METTL9: variants seen among roughly 807,000 people sequenced by gnomAD.
The protein encoded by METTL9 is methyltransferase 9, His-X-His N1(pi)-histidine.
Under a neutral mutation model 36.0 loss-of-function variants are expected in METTL9, and 10 were observed. The ratio of observed to expected loss-of-function variants is 0.28; its 90% CI spans 0.17 to 0.47. The LOEUF (loss-of-function observed/expected upper bound fraction) is 0.47, where lower values mean the gene tolerates loss of function less well. Among genes scored for constraint, METTL9 ranks in the 20% least tolerant of loss-of-function variants. The probability of loss-of-function intolerance (pLI) is 0.99; values close to 1 mark genes in which losing one functional copy is unlikely to be tolerated. For missense variants in METTL9, 246 were observed against 383.5 expected (o/e 0.64, Z 3.00); for synonymous variants, 175 against 149.7 (o/e 1.17, Z -1.23).
At chr16:21,606,465 T>C (rs1965292230) in intron 1 of METTL9, among the ~76,000 whole-genome samples, 1 of 152,068 alleles carries the variant, frequency 6.6e-6, no homozygotes, top group Non-Finnish European at 1.5e-5. Flanking sequence ...AGTTTCTCTT[T>C]CCTCTGATGA....
intron 4 of METTL9, chr16:21,643,048 A>T (rs1454372): frequency 0.059 from 85,513 of 1,457,460 alleles, 5,038 homozygotes; most frequent in East Asian, 0.33. Context: ...CTGTATTTAC[A>T]TTTTTTTTTG....
chr16:21,627,901 C>T (rs764921610), intron 4 of METTL9, among the ~76,000 whole-genome samples: 1 of 152,010 alleles, frequency 6.6e-6, no homozygotes, highest in East Asian at 1.9e-4. Context: ...TGCCGTGAGC[C>T]GAGATTGCAC....
intron 4 of METTL9, among the ~76,000 whole-genome samples, chr16:21,625,927 T>G (rs1303902577): frequency 6.6e-6 from 1 of 152,168 alleles, no homozygotes; most frequent in Non-Finnish European, 1.5e-5. Context: ...AGACAGAGCC[T>G]TGCTCTGTCG....
At chr16:21,618,412 T>C (rs1481330806) in intron 3 of METTL9, among the ~76,000 whole-genome samples, 4 of 152,190 alleles carry the variant, frequency 2.6e-5, no homozygotes, top group Non-Finnish European at 5.9e-5. Context: ...TATTTTTAAG[T>C]GTACAGTTCA....
intron 4 of METTL9, chr16:21,643,579 CT>C: frequency 6.2e-7 from 1 of 1,606,908 alleles, no homozygotes; most frequent in South Asian, 1.1e-5. Flanking sequence ...TTCTTTGTTT[CT>C]TAGAGGGTTG....
chr16:21,644,681 G>A (rs1480131873), intron 4 of METTL9, among the ~76,000 whole-genome samples: 1 of 152,162 alleles, frequency 6.6e-6, no homozygotes. Context: ...TTTAGATAAA[G>A]GATTATTTGA....
At chr16:21,611,338 TA>T (rs1425230983) in intron 1 of METTL9, among the ~76,000 whole-genome samples, 1 of 152,194 alleles carries the variant, frequency 6.6e-6, no homozygotes, top group South Asian at 2.1e-4. Flanking sequence ...CACTGAACAT[TA>T]GTAAGCTTAG....
chr16:21,653,618 G>A (rs1966634723), intron 4 of METTL9: 1 of 152,446 alleles, frequency 6.6e-6, no homozygotes, highest in Admixed American at 6.5e-5. Flanking sequence ...ACCATAAACA[G>A]GTCTGAAGAG....
chr16:21,615,016 C>CG (rs1965517938), intron 2 of METTL9, among the ~76,000 whole-genome samples: 1 of 152,176 alleles, frequency 6.6e-6, no homozygotes, highest in Non-Finnish European at 1.5e-5. Flanking sequence ...GCCTTGCCCA[C>CG]TAAATGGCAG....
rs928484745 is a variant in METTL9 at position 21,621,707 on chromosome 16, T to A, written c.567-3224T>A. 8.5e-5 allele frequency among the ~76,000 whole-genome samples: 13 copies of A among 152,222 alleles called. No individual in the cohort carries two copies. The South Asian group carries it at 1.0e-3, about 12-fold the overall frequency. On this transcript the variant is annotated intron_variant, in intron 3 of 4. Coordinates refer to ENST00000358154, the MANE Select transcript of METTL9 (RefSeq NM_016025.5). The stretch of plus-strand genomic sequence containing the variant: ...TTTGTATTCGCAAGTTGTCATTGTT[T>A]ATGCCAGAAAACCCAATTGTAAAAC...
At chr16:21,612,949 C>G (rs12448814) in intron 2 of METTL9, 114 bp downstream of exon 2, 1 of 923,768 alleles carries the variant, frequency 1.1e-6, no homozygotes, top group African/African-American at 1.7e-5. Context: ...TACAATACTT[C>G]TACTAGTCAG....
chr16:21,603,091 A>G (rs1050808281), intron 1 of METTL9, among the ~76,000 whole-genome samples: 2 of 152,012 alleles, frequency 1.3e-5, no homozygotes, highest in Non-Finnish European at 2.9e-5. Context: ...GTGGCTTCTT[A>G]CAGAATAAAG....
At chr16:21,614,432 G>C (rs961558722) in intron 2 of METTL9, among the ~76,000 whole-genome samples, 1 of 151,988 alleles carries the variant, frequency 6.6e-6, no homozygotes, top group Non-Finnish European at 1.5e-5. Flanking sequence ...TTAAAATTCC[G>C]TGCTCTAGAA....
intron 1 of METTL9, among the ~76,000 whole-genome samples, chr16:21,606,498 G>A (rs961650092): frequency 3.9e-5 from 6 of 152,124 alleles, no homozygotes; most frequent in African/African-American, 1.4e-4. Context: ...TCATATCAAT[G>A]TATTCAGCAA....
intron 1 of METTL9, among the ~76,000 whole-genome samples, chr16:21,611,741 C>T (rs1277525590): frequency 6.6e-6 from 1 of 152,174 alleles, no homozygotes; most frequent in South Asian, 2.1e-4. Flanking sequence ...AGTGATTTGT[C>T]TGAGCTCACA....
intron 1 of METTL9, among the ~76,000 whole-genome samples, chr16:21,605,781 A>ATT (rs1362081529): frequency 1.3e-5 from 2 of 152,146 alleles, no homozygotes; most frequent in Non-Finnish European, 2.9e-5. Flanking sequence ...GACATCAGCC[A>ATT]TTCTCTAATT....
chr16:21,632,272 C>T (rs1965982449), intron 4 of METTL9, among the ~76,000 whole-genome samples: 1 of 152,210 alleles, frequency 6.6e-6, no homozygotes, highest in African/African-American at 2.4e-5. Flanking sequence ...TCTGTATACA[C>T]ATTTATTCTT....
intron 4 of METTL9, chr16:21,640,447 T>C (rs1966221823): frequency 6.6e-6 from 1 of 151,468 alleles, no homozygotes; most frequent in Non-Finnish European, 1.5e-5. Context: ...CCCTCCTAAA[T>C]TGGTTAAAAA....
intron 3 of METTL9, among the ~76,000 whole-genome samples, chr16:21,624,002 C>G (rs1567333533): frequency 2.0e-5 from 3 of 152,168 alleles, no homozygotes; most frequent in Non-Finnish European, 4.4e-5. Context: ...ATCTCCTGAC[C>G]TCATGATCCG....
Sources: allele counts gnomAD v4.1 joint callset (sites outside exome capture counted in the v4.1 genomes callset), GRCh38; gene constraint gnomAD v4.1.1; transcripts MANE v1.5; gene names NCBI Gene and HGNC (gene_info 2026-07-23, HGNC 2026-07-21).